The following CHRM4 variants were observed in gnomAD, a reference collection of about 807,000 sequenced individuals.
The protein encoded by CHRM4 is muscarinic acetylcholine receptor M4.
Under a neutral mutation model 26.3 loss-of-function variants are expected in CHRM4, and 5 were observed. That is an observed-to-expected ratio of 0.19 (90% confidence interval 0.10 to 0.40). The LOEUF is 0.40. Ranked by LOEUF, CHRM4 falls within the 10% of genes least tolerant of loss-of-function variation. CHRM4 has a pLI of 1.00. For synonymous variants in CHRM4, 290 were observed against 285.3 expected (o/e 1.02, Z -0.16); for missense variants, 402 against 664.5 (o/e 0.60, Z 4.34).
intron 1 of CHRM4, among the ~76,000 whole-genome samples, chr11:46,388,127 C>G (rs1248098763): frequency 6.6e-6 from 1 of 152,214 alleles, no homozygotes; most frequent in Non-Finnish European, 1.5e-5. Context: ...CTCCTTCACA[C>G]CCGCCAACAC....
Position 46,384,953 on chromosome 11 carries a change from A to C in CHRM4, c.*165T>G. 3 of 1,123,918 alleles carry C rather than the reference A, an allele frequency of 2.7e-6. No homozygotes were observed. Among genetic ancestry groups the C allele is most frequent in the Non-Finnish European group, 2.5e-6 (2 of 815,764 alleles). 69.6% of individuals were successfully genotyped at this position (1,123,918 alleles called of 1,614,324 possible). ...TGGGGTGAGCCTCCTCAGCCTGAGCAGAGATCTGGTCTCTGAATGCAGCCA... is the reference window on the plus strand; with the variant it reads ...TGGGGTGAGCCTCCTCAGCCTGAGCCGAGATCTGGTCTCTGAATGCAGCCA... On this transcript the variant is annotated 3_prime_UTR_variant, in exon 2 of 2. Transcript: ENST00000682254.
chr11:46,390,206 G>A (rs937177817), intron 1 of CHRM4, among the ~76,000 whole-genome samples: 1 of 152,196 alleles, frequency 6.6e-6, no homozygotes, highest in African/African-American at 2.4e-5. Flanking sequence ...CACCTGGCCT[G>A]TGGGTGAAGG....
chr11:46,386,327 A>G lies in CHRM4; in HGVS notation c.231T>C (p.Ala77=). 1 of 1,613,974 alleles carries G rather than the reference A, an allele frequency of 6.2e-7. No homozygotes were observed. Among genetic ancestry groups the G allele is most frequent in the Middle Eastern group, 1.6e-4 (1 of 6,062 alleles). ...NNYFLFSLAC[A]DLIIGAFSMN... ...TGGAGAAGGCGCCTATGATGAGATCAGCACACGCCAGGCTGAAGAGGAAGT... is the reference window on the plus strand; with the variant it reads ...TGGAGAAGGCGCCTATGATGAGATCGGCACACGCCAGGCTGAAGAGGAAGT... Residue 77 remains alanine, a synonymous_variant, in exon 2 of 2, where the codon GCT becomes GCC. Coordinates refer to ENST00000682254, the MANE Select transcript of CHRM4 (RefSeq NM_000741.5). This position sits in a 1 kb window ranked among gnomAD's most constrained non-coding sequence, Gnocchi z 5.8.
chr11:46,389,011 T>C (rs1945368717), intron 1 of CHRM4, among the ~76,000 whole-genome samples: 1 of 152,240 alleles, frequency 6.6e-6, no homozygotes. Flanking sequence ...GCAGGTATTA[T>C]TAGTGTCCTC....
In CHRM4 at chr11:46,385,764, T is replaced by C. The variant is rs774645111; in HGVS notation, c.794A>G (p.Glu265Gly). The C allele has an allele frequency of 1.9e-6, 3 of 1,597,356 alleles. No individual in the cohort carries two copies. The African/African-American group carries it at 4.0e-5, about 21-fold the overall frequency. The change falls in exon 2 of 2, where the codon GAG (glutamate) becomes GGG (glycine). Residue 265 changes from glutamate (E) to glycine (G), a missense_variant. By Grantham distance (98) the Glu-to-Gly change is moderately conservative. Transcript: ENST00000682254. This position sits in a 1 kb window ranked among gnomAD's most constrained non-coding sequence, Gnocchi z 6.3. ...KKPPPGEAAR[E>G]ELRNGKLEEA... ...CTCCAGCTTGCCATTGCGCAGCTCC[T>C]CCCGGGCGGCCTCCCCGGGCGGGGG...
chr11:46,383,832 C>T lies in CHRM4; in HGVS notation c.*1286G>A. On this transcript the variant is annotated 3_prime_UTR_variant, in exon 2 of 2. Coordinates refer to ENST00000682254, the MANE Select transcript of CHRM4 (RefSeq NM_000741.5). Reference sequence around the variant, plus strand: ...GCTCTTCTTTTTTAATATATAAAAGCCCCTTCCCAAGGAGTTTGCTGTGGA... The same window carrying T: ...GCTCTTCTTTTTTAATATATAAAAGTCCCTTCCCAAGGAGTTTGCTGTGGA... 2.5e-6 allele frequency: 1 copy of T among 395,138 alleles called. No homozygotes were observed. The highest frequency in any genetic ancestry group is 4.9e-6 in the Non-Finnish European group (1 of 205,360). The allele number at this position is 395,138 out of a possible 1,614,324, so 24.5% of individuals were successfully genotyped here. A position where few individuals can be genotyped will look rare whatever the true frequency, so the allele number is the denominator to read the frequency against.
rs142135123 is a variant in CHRM4, at chr11:46,384,242, G to A, written c.*876C>T. ...CCCCTTCCCACTGTCATGGAAACCC[G>A]AGTGAGCCACCAGGTTGACCCCTTT... On this transcript the variant is annotated 3_prime_UTR_variant, in exon 2 of 2. Transcript: ENST00000682254. Among the ~76,000 whole-genome samples the A allele has an allele frequency of 3.6e-4, 55 of 152,322 alleles. No homozygotes were observed. Among genetic ancestry groups the A allele is most frequent in the African/African-American group, 1.1e-3 (44 of 41,556 alleles).
intron 1 of CHRM4, among the ~76,000 whole-genome samples, chr11:46,387,663 G>A (rs1339046212): frequency 2.0e-5 from 3 of 152,222 alleles, no homozygotes; most frequent in Non-Finnish European, 4.4e-5. Context: ...AGAGCTCCAG[G>A]AGCCAGAAGG....
chr11:46,384,826 G>T lies in CHRM4; in HGVS notation c.*292C>A, dbSNP rs1026490018. On this transcript the variant is annotated 3_prime_UTR_variant, in exon 2 of 2. Transcript: ENST00000682254. ...TGTCCATTCTTCCAGCACTGCTGAT[G>T]GTTGGTCACAGTGGGGCAGGTGCCC... 6.6e-6 allele frequency among the ~76,000 whole-genome samples: 1 copy of T among 152,238 alleles called. No homozygotes were observed. The highest frequency in any genetic ancestry group is 1.5e-5 in the Non-Finnish European group (1 of 68,040).
intron 1 of CHRM4, among the ~76,000 whole-genome samples, chr11:46,389,960 T>C (rs1449463915): frequency 2.0e-5 from 3 of 152,170 alleles, no homozygotes; most frequent in Non-Finnish European, 2.9e-5. Flanking sequence ...CGCGTGAGCA[T>C]GCCGCGCCGT....
rs903940596 is a variant in CHRM4 at position 46,384,952 on chromosome 11, C to G, written c.*166G>C. 8.8e-7 allele frequency: 1 copy of G among 1,134,784 alleles called. No individual in the cohort carries two copies. The highest frequency in any genetic ancestry group is 1.6e-5 in the African/African-American group (1 of 63,848). The allele number at this position is 1,134,784 out of a possible 1,614,324, so 70.3% of individuals were successfully genotyped here. On this transcript the variant is annotated 3_prime_UTR_variant, in exon 2 of 2. Transcript: ENST00000682254. ...CTGGGGTGAGCCTCCTCAGCCTGAG[C>G]AGAGATCTGGTCTCTGAATGCAGCC... is the stretch of plus-strand genomic sequence containing the variant.
At chr11:46,389,621 C>T (rs1356626501) in intron 1 of CHRM4, among the ~76,000 whole-genome samples, 10 of 152,222 alleles carry the variant, frequency 6.6e-5, no homozygotes, top group Non-Finnish European at 1.3e-4. Flanking sequence ...GTGCGGCCGC[C>T]GTTGGCCACC....
intron 1 of CHRM4, among the ~76,000 whole-genome samples, chr11:46,388,236 G>C (rs1297561634): frequency 6.6e-6 from 1 of 152,262 alleles, no homozygotes; most frequent in Non-Finnish European, 1.5e-5. Context: ...GTGAGAGGAA[G>C]AGAGGGCGCG....
At chr11:46,389,648 C>A (rs1471301811) in intron 1 of CHRM4, among the ~76,000 whole-genome samples, 1 of 152,212 alleles carries the variant, frequency 6.6e-6, no homozygotes, top group Non-Finnish European at 1.5e-5. Context: ...AACTCCAATG[C>A]GACTGCGAAC....
At chr11:46,390,694 C>T (rs958603197) in intron 1 of CHRM4, among the ~76,000 whole-genome samples, 1 of 152,270 alleles carries the variant, frequency 6.6e-6, no homozygotes, top group African/African-American at 2.4e-5. Flanking sequence ...ATGTCTCCGC[C>T]GTGGTCGAAG....
Position 46,385,751 on chromosome 11 carries a change from A to G in CHRM4, c.807T>C (p.Asn269=). Residue 269 remains asparagine (N), a synonymous_variant, in exon 2 of 2, where the codon AAT becomes AAC. Transcript: ENST00000682254. The surrounding 1 kb of genome is among the most constrained non-coding windows in gnomAD (Gnocchi z 6.3). ...GCGGGGGGGCCTCCTCCAGCTTGCC[A>G]TTGCGCAGCTCCTCCCGGGCGGCCT... ...PGEAAREELR[N]GKLEEAPPPA... 1.3e-6 allele frequency: 2 copies of G among 1,595,298 alleles called. No homozygotes were observed. The highest frequency in any genetic ancestry group is 1.7e-6 in the Non-Finnish European group (2 of 1,170,488).
Position 46,391,745 on chromosome 11 carries a change from C to G in CHRM4, c.-244G>C, listed in dbSNP as rs1284802257. On this transcript the variant is annotated 5_prime_UTR_variant, in exon 1 of 2. Coordinates refer to ENST00000682254, the MANE Select transcript of CHRM4 (RefSeq NM_000741.5). The surrounding 1 kb of genome is among the most constrained non-coding windows in gnomAD (Gnocchi z 6.3). Reference sequence around the variant, plus strand: ...GGGGACGGGGTGTCGAGGGGCGGCCCCTGCTCCGCCCGCAGCTCCCGGCGC... The same window carrying G: ...GGGGACGGGGTGTCGAGGGGCGGCCGCTGCTCCGCCCGCAGCTCCCGGCGC... 1.3e-5 allele frequency among the ~76,000 whole-genome samples: 2 copies of G among 150,114 alleles called. No homozygotes were observed. Among genetic ancestry groups the G allele is most frequent in the Non-Finnish European group, 3.0e-5 (2 of 67,244 alleles).
Position 46,385,743 on chromosome 11 carries a change from A to C in CHRM4, c.815T>G (p.Leu272Arg). 6.3e-7 allele frequency: 1 copy of C among 1,590,690 alleles called. No homozygotes were observed. Among genetic ancestry groups the C allele is most frequent in the Non-Finnish European group, 8.6e-7 (1 of 1,168,110 alleles). Residue 272 changes from leucine to arginine, a missense_variant, in exon 2 of 2, where the codon CTG becomes CGG. Around this residue, in one of 5 missense-constraint regions of CHRM4, gnomAD observed 205 missense variants for 244.0 expected, o/e 0.84. Transcript: ENST00000682254. The surrounding 1 kb of genome is among the most constrained non-coding windows in gnomAD (Gnocchi z 6.3). ...AAREELRNGK[L>R]EEAPPPALPP... ...CAGCGCTGGCGGGGGGGCCTCCTCC[A>C]GCTTGCCATTGCGCAGCTCCTCCCG...
chr11:46,387,951 C>T lies in CHRM4; in HGVS notation c.-29-1365G>A, dbSNP rs373540528. Among the ~76,000 whole-genome samples the T allele has an allele frequency of 3.6e-4, 55 of 152,340 alleles. No individual in the cohort carries two copies. In the East Asian group the frequency reaches 9.8e-3, roughly 27 times the overall value. ...CGCCTCTCCCCTCCACAGTCCACTC[C>T]GCACACCGGGCGGCGCCCTAGCTGG... is the stretch of plus-strand genomic sequence containing the variant. On this transcript the variant is annotated intron_variant, in intron 1 of 1. Coordinates refer to ENST00000682254, the MANE Select transcript of CHRM4 (RefSeq NM_000741.5).
Sources: gnomAD v4.1 joint callset for allele counts (sites outside exome capture counted in the v4.1 genomes callset) on GRCh38, gnomAD v4.1.1 for gene constraint, gnomAD v4.1.1 regional missense constraint, Gnocchi (gnomAD v3.1) non-coding constraint, MANE v1.5 for transcripts, NCBI Gene and HGNC (gene_info 2026-07-23, HGNC 2026-07-21) for gene names.